The following SHOX variants were observed in gnomAD, a reference collection of about 807,000 sequenced individuals.
SHOX encodes short stature homeobox protein.
Under a neutral mutation model 29.6 loss-of-function variants are expected in SHOX, and 12 were observed. That is an observed-to-expected ratio of 0.41 (90% confidence interval 0.26 to 0.66). SHOX has a LOEUF of 0.66. SHOX is among the 30% of genes least tolerant of loss of function. The pLI is 0.35. For synonymous variants in SHOX, 214 were observed against 200.6 expected (o/e 1.07, Z -0.57); for missense variants, 499 against 437.7 (o/e 1.14, Z -1.25).
chrX:629,995 G>A (rs1364062008), upstream of SHOX, among the ~76,000 whole-genome samples: 2 of 152,190 alleles, frequency 1.3e-5, no homozygotes, highest in Non-Finnish European at 2.9e-5. Context: ...AAGGGAGGAG[G>A]CCTCGCGCCG....
At position 641,026 on chromosome X, in the gene SHOX, T is replaced by C; in HGVS notation, c.572T>C (p.Leu191Pro). 6.2e-7 allele frequency: 1 copy of C among 1,613,840 alleles called. No individual in the cohort carries two copies. Among genetic ancestry groups the C allele is most frequent in the Non-Finnish European group, 8.5e-7 (1 of 1,179,840 alleles). The change falls in exon 4 of 5, where the codon CTA becomes CCA. Residue 191 changes from leucine to proline, a missense_variant. Transcript: ENST00000686671. The part of the protein sequence containing the change: ...KGVILGTANH[L>P]DACRVAPYVN... ...GTCATCTTGGGCACAGCCAACCACCTAGACGCCTGCCGAGTGGCACCCTAC... is the reference window on the plus strand; with the variant it reads ...GTCATCTTGGGCACAGCCAACCACCCAGACGCCTGCCGAGTGGCACCCTAC...
At chrX:642,230 G>C (rs1241271898) in intron 4 of SHOX, among the ~76,000 whole-genome samples, 2 of 152,074 alleles carry the variant, frequency 1.3e-5, no homozygotes, top group African/African-American at 4.8e-5. Context: ...GCAGCGCCCG[G>C]CTGCGGTGCC....
At chrX:634,582 C>G (rs2052707617) in intron 1 of SHOX, 36 bp from the exon 2 acceptor site, 1 of 1,608,450 alleles carries the variant, frequency 6.2e-7, no homozygotes, top group East Asian at 2.2e-5. Flanking sequence ...CAAAACCTCC[C>G]CGGCCTCAGC....
chrX:630,558 C>A (rs1234479237), upstream of SHOX: 13 of 454,000 alleles, frequency 2.9e-5, no homozygotes, highest in African/African-American at 5.9e-5. Context: ...CCTGCGCGCG[C>A]GCTCTCCCTT....
rs1398738646 is a variant in SHOX at position 645,388 on chromosome X, G to GTTTTTTTT, written c.*753_*754insTTTTTTTT. 1.8e-4 allele frequency: 14 copies of GTTTTTTTT among 77,744 alleles called. 1 individual carries two copies. Among genetic ancestry groups the GTTTTTTTT allele is most frequent in the African/African-American group, 4.1e-4 (10 of 24,338 alleles). 4.8% of individuals were successfully genotyped at this position (77,744 alleles called of 1,614,324 possible). A position where few individuals can be genotyped will look rare whatever the true frequency, so the allele number is the denominator to read the frequency against. On this transcript the variant is annotated 3_prime_UTR_variant, in exon 5 of 5. Transcript: ENST00000686671. ...TTGGGTCTGGTTTTGTTTTGGATTGGTATTTTTTTTTTTTTTTTTTTTTTT... is the reference window on the plus strand; with the variant it reads ...TTGGGTCTGGTTTTGTTTTGGATTGGTTTTTTTTTATTTTTTTTTTTTTTTTTTTTTTT...
upstream of SHOX, among the ~76,000 whole-genome samples, chrX:627,217 C>T (rs60244183): frequency 0.011 from 1,737 of 152,312 alleles, 34 homozygotes; most frequent in African/African-American, 0.039. Context: ...ACATTTCATA[C>T]AGTCCACCCA....
At chrX:653,272 A>AACTAAATAAAATAAAATAACAGGT (rs1404355415), downstream of SHOX, among the ~76,000 whole-genome samples, 20 of 152,100 alleles carry the variant, frequency 1.3e-4, no homozygotes, top group African/African-American at 4.8e-4. Flanking sequence ...AAATAACAGG[A>AACTAAATAAAATAAAATAACAGGT]ACTAAATAAA....
At chrX:625,949 TCG>T (rs2052525028), upstream of SHOX, among the ~76,000 whole-genome samples, 2 of 90,666 alleles carry the variant, frequency 2.2e-5, no homozygotes, top group African/African-American at 8.1e-5. Flanking sequence ...CTCTCTGTCT[TCG>T]TTCCTCTCTC....
chrX:642,492 G>A (rs185066590), intron 4 of SHOX, among the ~76,000 whole-genome samples: 1 of 152,174 alleles, frequency 6.6e-6, no homozygotes, highest in Admixed American at 6.5e-5. Flanking sequence ...GACCCCGAGC[G>A]CTGGTCGCCG....
chrX:655,461 C>G (rs1350036785), downstream of SHOX, among the ~76,000 whole-genome samples: 1 of 151,256 alleles, frequency 6.6e-6, no homozygotes, highest in Admixed American at 6.6e-5. Flanking sequence ...AAAATTTAGC[C>G]AGCTGTGGTG....
At chrX:624,887 TTTC>T in intron 1 of SHOX, among the ~76,000 whole-genome samples, 2 of 64,076 alleles carry the variant, frequency 3.1e-5, no homozygotes, top group African/African-American at 1.0e-4. Context: ...TCTTTCTTTC[TTTC>T]TTTCTTTCTT....
downstream of SHOX, among the ~76,000 whole-genome samples, chrX:652,427 GC>G (rs1292755624): frequency 6.8e-6 from 1 of 147,440 alleles, no homozygotes; most frequent in Non-Finnish European, 1.5e-5. Context: ...CTGCTTCCCG[GC>G]TGTGATAAAA....
intron 1 of SHOX, chrX:631,951 G>T (rs1275272261): frequency 2.0e-5 from 9 of 456,116 alleles, no homozygotes; most frequent in Middle Eastern, 3.3e-4. Flanking sequence ...GCGCCTGCCG[G>T]GCCCCCGGAG....
chrX:654,142 A>G (rs1450028995), downstream of SHOX, among the ~76,000 whole-genome samples: 1 of 152,126 alleles, frequency 6.6e-6, no homozygotes, highest in African/African-American at 2.4e-5. Flanking sequence ...CTATAGCATA[A>G]TAAGAAAAAT....
intron 2 of SHOX, among the ~76,000 whole-genome samples, chrX:638,643 T>A (rs1165951180): frequency 6.6e-6 from 1 of 152,214 alleles, no homozygotes; most frequent in Admixed American, 6.5e-5. Context: ...AAAGCTGGGC[T>A]GGAAGCTTCC....
At chrX:659,125 AC>A (rs2124232198) in exon 6 of SHOX, 1 of 151,462 alleles carries the variant, frequency 6.6e-6, no homozygotes, top group East Asian at 2.0e-4. Flanking sequence ...TTGCTCTGTC[AC>A]CCAGGCTGGA....
intron 2 of SHOX, among the ~76,000 whole-genome samples, chrX:636,923 G>T (rs918456834): frequency 8.8e-5 from 12 of 135,810 alleles, no homozygotes; most frequent in Admixed American, 1.6e-4. Flanking sequence ...GATGGAGAGG[G>T]TTTTACGAGC....
chrX:643,000 G>C (rs1039598255), intron 4 of SHOX, among the ~76,000 whole-genome samples: 4 of 149,340 alleles, frequency 2.7e-5, no homozygotes, highest in Non-Finnish European at 4.4e-5. Context: ...GGAGAGGCTT[G>C]GGGACCTGGT....
At position 634,665 on chromosome X, in the gene SHOX, G is replaced by C. The variant is rs202119896; in HGVS notation, c.325G>C (p.Glu109Gln). 7.4e-6 allele frequency: 12 copies of C among 1,613,896 alleles called. No individual in the cohort carries two copies. Among genetic ancestry groups the C allele is most frequent in the Non-Finnish European group, 9.3e-6 (11 of 1,179,872 alleles). ...GCGCGAGGACGTGAAGTCGGAGGAC[G>C]AGGACGGGCAGACCAAGCTGAAACA... Reference protein sequence around the residue: ...EKREDVKSEDEDGQTKLKQRR... With the variant: ...EKREDVKSEDQDGQTKLKQRR... The change falls in exon 2 of 5, where the codon GAG (glutamate) becomes CAG (glutamine). Residue 109 changes from glutamate (E) to glutamine (Q), a missense_variant. Glu to Gln is a conservative substitution (Grantham distance 29). Transcript: ENST00000686671.
Sources: gnomAD v4.1 joint callset for allele counts (sites outside exome capture counted in the v4.1 genomes callset) on GRCh38, gnomAD v4.1.1 for gene constraint, MANE v1.5 for transcripts, NCBI Gene and HGNC (gene_info 2026-07-23, HGNC 2026-07-21) for gene names.